ZNRF2: variants seen among roughly 807,000 people sequenced by gnomAD.
ZNRF2 encodes zinc and ring finger 2.
ZNRF2 carries 16 observed loss-of-function variants against 20.4 expected under a neutral mutation model. The ratio of observed to expected loss-of-function variants is 0.79; its 90% confidence interval spans 0.53 to 1.19. The LOEUF (loss-of-function observed/expected upper bound fraction) is 1.19. Among genes scored for constraint, ZNRF2 ranks in the 50% most tolerant of loss-of-function variants. ZNRF2 has a pLI of 0.00. For missense variants in ZNRF2, 363 were observed against 332.4 expected (o/e 1.09, Z -0.72); for synonymous variants, 178 against 144.9 (o/e 1.23, Z -1.64).
intron 4 of ZNRF2, among the ~76,000 whole-genome samples, chr7:30,365,713 TCAA>T (rs1227232169): frequency 6.6e-6 from 1 of 152,208 alleles, no homozygotes; most frequent in African/African-American, 2.4e-5. Flanking sequence ...AATTTAATAA[TCAA>T]CCCAAAATAG....
At chr7:30,325,896 T>C (rs1410120942) in intron 2 of ZNRF2, among the ~76,000 whole-genome samples, 2 of 152,226 alleles carry the variant, frequency 1.3e-5, no homozygotes, top group Non-Finnish European at 2.9e-5. Context: ...AATTTGTGAC[T>C]AAAAGTATAT....
intron 1 of ZNRF2, among the ~76,000 whole-genome samples, chr7:30,307,783 A>G (rs1799233622): frequency 6.6e-6 from 1 of 152,180 alleles, no homozygotes; most frequent in Non-Finnish European, 1.5e-5. Context: ...TTAAACTTAG[A>G]TTGTGAAATA....
At chr7:30,309,270 T>C (rs761684910) in intron 1 of ZNRF2, among the ~76,000 whole-genome samples, 3 of 152,196 alleles carry the variant, frequency 2.0e-5, no homozygotes, top group Non-Finnish European at 4.4e-5. Context: ...CAAATAGTTA[T>C]ACTGAATATT....
At chr7:30,364,641 G>GA (rs1800181359) in intron 4 of ZNRF2, among the ~76,000 whole-genome samples, 1 of 152,102 alleles carries the variant, frequency 6.6e-6, no homozygotes, top group South Asian at 2.1e-4. Context: ...GAGACAAAAC[G>GA]AAACTGTGGC....
intron 1 of ZNRF2, among the ~76,000 whole-genome samples, chr7:30,301,625 A>G (rs1799115629): frequency 6.6e-6 from 1 of 151,208 alleles, no homozygotes; most frequent in Non-Finnish European, 1.5e-5. Flanking sequence ...CAGTCAAACT[A>G]GCTTTAGAAC....
intron 3 of ZNRF2, among the ~76,000 whole-genome samples, chr7:30,356,488 T>G (rs976665691): frequency 7.2e-5 from 11 of 151,974 alleles, no homozygotes; most frequent in African/African-American, 2.7e-4. Context: ...AAAAACAGAT[T>G]GAAAGGTTGG....
chr7:30,353,608 T>C (rs1038551397), intron 2 of ZNRF2, among the ~76,000 whole-genome samples: 1 of 152,172 alleles, frequency 6.6e-6, no homozygotes, highest in Non-Finnish European at 1.5e-5. Flanking sequence ...GATTTGTCTT[T>C]GTTGTACTAT....
intron 1 of ZNRF2, among the ~76,000 whole-genome samples, chr7:30,286,793 C>T (rs538574154): frequency 1.3e-5 from 2 of 152,170 alleles, no homozygotes; most frequent in African/African-American, 2.4e-5. Context: ...CCCATTTCAT[C>T]GCATTATGTA....
intron 2 of ZNRF2, among the ~76,000 whole-genome samples, chr7:30,336,079 T>G (rs1311758521): frequency 6.6e-6 from 1 of 152,112 alleles, no homozygotes; most frequent in Non-Finnish European, 1.5e-5. Flanking sequence ...TTATAAAATA[T>G]GATTATGATT....
At chr7:30,295,683 C>T (rs919456499) in intron 1 of ZNRF2, among the ~76,000 whole-genome samples, 1 of 152,200 alleles carries the variant, frequency 6.6e-6, no homozygotes, top group African/African-American at 2.4e-5. Flanking sequence ...GCACTCCAGC[C>T]TGGGTGATGG....
At chr7:30,363,462 T>G (rs931226205) in intron 4 of ZNRF2, among the ~76,000 whole-genome samples, 1 of 152,226 alleles carries the variant, frequency 6.6e-6, no homozygotes, top group African/African-American at 2.4e-5. Flanking sequence ...GGATGAAATT[T>G]GAACCCAGGT....
At position 30,367,250 on chromosome 7, in the gene ZNRF2, TAGAA is replaced by T. The variant is rs1800230630; in HGVS notation, c.*1244_*1247del. 1.3e-5 allele frequency: 2 copies of T among 152,504 alleles called. No homozygotes were observed. The highest frequency in any genetic ancestry group is 4.8e-5 in the African/African-American group (2 of 41,448). 9.4% of individuals were successfully genotyped at this position (152,504 alleles called of 1,614,324 possible). A position where few individuals can be genotyped will look rare whatever the true frequency, so the allele number is the denominator to read the frequency against. ...TAGACACTTTTAAATTCAGTTTGTG[TAGAA>T]AGAAATGTGTTAAACAAAATTATGT... On this transcript the variant is annotated 3_prime_UTR_variant, in exon 5 of 5. Transcript: ENST00000323037.
At position 30,295,014 on chromosome 7, in the gene ZNRF2, G is replaced by GGAGAGAGAGAGA. The variant is rs1161510140; in HGVS notation, c.469+9214_469+9225dup. Among the ~76,000 whole-genome samples the GGAGAGAGAGAGA allele has an allele frequency of 7.2e-3, 182 of 25,148 alleles. 6 individuals carry two copies. Among genetic ancestry groups the GGAGAGAGAGAGA allele is most frequent in the Middle Eastern group, 0.023 (1 of 44 alleles). 16.5% of individuals were successfully genotyped at this position (25,148 alleles called of 152,430 possible). On this transcript the variant is annotated intron_variant, in intron 1 of 4. Coordinates refer to ENST00000323037, the MANE Select transcript of ZNRF2 (RefSeq NM_147128.4). ...GGGACAGAGAGAGAGAGGGAGGGAAGGAGAGAGAGAGAGAGAGAGAGAGAG... is the reference window on the plus strand; with the variant it reads ...GGGACAGAGAGAGAGAGGGAGGGAAGGAGAGAGAGAGAGAGAGAGAGAGAGAGAGAGAGAGAG...
intron 1 of ZNRF2, among the ~76,000 whole-genome samples, chr7:30,304,123 C>T (rs919651066): frequency 6.6e-6 from 1 of 152,164 alleles, no homozygotes; most frequent in South Asian, 2.1e-4. Context: ...GGTATCCTAG[C>T]TGAAGGCAAA....
intron 1 of ZNRF2, chr7:30,288,740 C>T (rs1798842648): frequency 6.6e-6 from 1 of 152,116 alleles, no homozygotes; most frequent in South Asian, 2.1e-4. Context: ...TAAATCTTGT[C>T]CTTATTATTC....
chr7:30,338,940 C>G (rs1360494704), intron 2 of ZNRF2, among the ~76,000 whole-genome samples: 1 of 151,882 alleles, frequency 6.6e-6, no homozygotes, highest in East Asian at 1.9e-4. Context: ...AGTATTGTTT[C>G]TTGACATTTT....
chr7:30,340,266 C>T lies in ZNRF2; in HGVS notation c.566-15462C>T, dbSNP rs149300175. Among the ~76,000 whole-genome samples, 1,014 of 152,262 alleles carry T rather than the reference C, an allele frequency of 6.7e-3. 16 individuals carry two copies. Among genetic ancestry groups the T allele is most frequent in the African/African-American group, 0.023 (975 of 41,534 alleles). ...CTTTCTCTTGCCTGATTGCCTTGGC[C>T]AGAACTTCCAATACTATGTTGAATA... On this transcript the variant is annotated intron_variant, in intron 2 of 4. Transcript: ENST00000323037.
At chr7:30,325,511 T>C (rs146772437) in intron 2 of ZNRF2, among the ~76,000 whole-genome samples, 76 of 152,312 alleles carry the variant, frequency 5.0e-4, no homozygotes, top group African/African-American at 1.7e-3. Flanking sequence ...TTAGTAGATA[T>C]AGCAGCACTT....
chr7:30,367,580 T>A lies in ZNRF2; in HGVS notation c.*1568T>A, dbSNP rs1800235276. 1 of 152,020 alleles carries A rather than the reference T, an allele frequency of 6.6e-6. No homozygotes were observed. Among genetic ancestry groups the A allele is most frequent in the Admixed American group, 6.6e-5 (1 of 15,256 alleles). The allele number at this position is 152,020 out of a possible 1,614,324, so 9.4% of individuals were successfully genotyped here. A position where few individuals can be genotyped will look rare whatever the true frequency, so the allele number is the denominator to read the frequency against. On this transcript the variant is annotated 3_prime_UTR_variant, in exon 5 of 5. Transcript: ENST00000323037. The stretch of plus-strand genomic sequence containing the variant: ...CTTCTCTAAATTTTTCCCCCTACTT[T>A]CTTGCTTCTGTTTCACATTTTTTAA...
Sources: gnomAD v4.1 joint callset for allele counts (sites outside exome capture counted in the v4.1 genomes callset) on GRCh38, gnomAD v4.1.1 for gene constraint, MANE v1.5 for transcripts, NCBI Gene and HGNC (gene_info 2026-07-23, HGNC 2026-07-21) for gene names.